DST: variants seen among roughly 807,000 people sequenced by gnomAD.
DST encodes the protein dystonin.
A neutral mutation model predicts 875.2 loss-of-function variants in DST; 253 were observed. The ratio of observed to expected loss-of-function variants is 0.29; its 90% CI spans 0.26 to 0.32. The LOEUF is 0.32. Among genes scored for constraint, DST ranks in the 10% least tolerant of loss-of-function variants. The pLI, the probability that DST is intolerant of heterozygous loss-of-function variation, is 1.00. For missense variants in DST, 8,287 were observed against 9,111.6 expected, an observed-to-expected ratio of 0.91 and a Z score of 3.68; for synonymous variants, 3,124 against 3,197.1, an observed-to-expected ratio of 0.98 and a Z score of 0.77.
intron 9 of DST, among the ~76,000 whole-genome samples, chr6:56,674,097 T>C (rs937929634): frequency 6.6e-6 from 1 of 152,204 alleles, no homozygotes; most frequent in Non-Finnish European, 1.5e-5. Context: ...AGCCTGAATC[T>C]TCCACCAATG....
chr6:56,932,876 C>T (rs1250378758), intron 2 of DST, among the ~76,000 whole-genome samples: 1 of 150,414 alleles, frequency 6.6e-6, no homozygotes, highest in African/African-American at 2.5e-5. Context: ...TTTCCAGGTA[C>T]CTAGGTCTCC....
intron 4 of DST, among the ~76,000 whole-genome samples, chr6:56,826,630 A>G (rs1238671695): frequency 6.6e-6 from 1 of 152,184 alleles, no homozygotes; most frequent in Non-Finnish European, 1.5e-5. Flanking sequence ...TTTAAACTAC[A>G]TGGCAGAGAT....
At chr6:56,511,428 A>G in intron 72 of DST, 28 bp from the exon 73 acceptor site, 2 of 1,563,664 alleles carry the variant, frequency 1.3e-6, no homozygotes, top group South Asian at 1.2e-5. Flanking sequence ...GCTTTTCAGT[A>G]TCTCAGGGTC....
At chr6:56,465,930 G>A in intron 99 of DST, 148 bp downstream of exon 99, 1 of 490,738 alleles carries the variant, frequency 2.0e-6, no homozygotes, top group Non-Finnish European at 3.6e-6. Context: ...ACTGCCACAG[G>A]TTCTTTGGGA....
At chr6:56,846,503 A>C (rs2099807327) in intron 4 of DST, among the ~76,000 whole-genome samples, 1 of 152,234 alleles carries the variant, frequency 6.6e-6, no homozygotes, top group Non-Finnish European at 1.5e-5. Flanking sequence ...TGAAAAACCC[A>C]ACTTACAATA....
chr6:56,598,812 G>A, intron 45 of DST, 103 bp from the exon 46 acceptor site: 1 of 538,078 alleles, frequency 1.9e-6, no homozygotes, highest in East Asian at 3.1e-5. Context: ...AGAGAGTCTA[G>A]TATATGTAGC....
At chr6:56,528,817 G>T in intron 67 of DST, 24 bp downstream of exon 67, 6 of 1,409,822 alleles carry the variant, frequency 4.3e-6, no homozygotes, top group Non-Finnish European at 5.9e-6. Flanking sequence ...ACCACATGAT[G>T]ATTTGATTTG....
At chr6:56,530,861 A>C (rs1354721006) in intron 64 of DST, among the ~76,000 whole-genome samples, 1 of 152,198 alleles carries the variant, frequency 6.6e-6, no homozygotes. Context: ...CTGCATACGG[A>C]GTACCTGATT....
chr6:56,936,913 A>G (rs577184523), intron 2 of DST, among the ~76,000 whole-genome samples: 4 of 152,350 alleles, frequency 2.6e-5, no homozygotes, highest in Non-Finnish European at 5.9e-5. Flanking sequence ...AAGTGGAATT[A>G]ACAACTTAAA....
intron 99 of DST, 47 bp downstream of exon 99, chr6:56,466,030 TA>T: frequency 6.9e-7 from 1 of 1,445,488 alleles, no homozygotes; most frequent in Non-Finnish European, 9.5e-7. Flanking sequence ...GGATATAATA[TA>T]AAATTGAAAT....
chr6:56,567,948 C>T (rs141293440), intron 55 of DST, among the ~76,000 whole-genome samples: 428 of 152,208 alleles, frequency 2.8e-3, no homozygotes, highest in Non-Finnish European at 4.3e-3. Context: ...ACTTAGATTG[C>T]GATACAGATA....
intron 4 of DST, among the ~76,000 whole-genome samples, chr6:56,844,656 C>A (rs144276244): frequency 6.6e-6 from 1 of 151,942 alleles, no homozygotes; most frequent in South Asian, 2.1e-4. Context: ...GGGTGGATCA[C>A]GAGGTCAGGA....
chr6:56,610,597 A>C, intron 38 of DST, 35 bp from the exon 39 acceptor site: 2 of 1,541,144 alleles, frequency 1.3e-6, no homozygotes, highest in East Asian at 4.6e-5. Context: ...GACTAATGCA[A>C]GTCGTCCTCA....
chr6:56,602,819 C>A, intron 43 of DST, 63 bp downstream of exon 43: 1 of 1,241,162 alleles, frequency 8.1e-7, no homozygotes, highest in Non-Finnish European at 1.1e-6. Flanking sequence ...TTTCTAAACA[C>A]TTGTTATATA....
rs760097497 is a variant in DST, at chr6:56,616,789, T to A, written c.4930-2305A>T. Reference sequence around the variant, plus strand: ...TTCTATTTTCCATAGCTTGAAACACTGACAATGTCTTAGAAGAATAAGAAT... The same window carrying A: ...TTCTATTTTCCATAGCTTGAAACACAGACAATGTCTTAGAAGAATAAGAAT... On this transcript the variant is annotated intron_variant, in intron 36 of 103. Coordinates refer to ENST00000680361, the MANE Select transcript of DST (RefSeq NM_001374736.1). The A allele has an allele frequency of 6.2e-6, 10 of 1,614,214 alleles. No homozygotes were observed. Among genetic ancestry groups the A allele is most frequent in the Non-Finnish European group, 7.6e-6 (9 of 1,180,026 alleles).
At chr6:56,662,337 T>C (rs912505159) in intron 10 of DST, among the ~76,000 whole-genome samples, 2 of 152,200 alleles carry the variant, frequency 1.3e-5, no homozygotes, top group South Asian at 2.1e-4. Flanking sequence ...CAAAGACACA[T>C]ACAAAGTTCA....
intron 71 of DST, among the ~76,000 whole-genome samples, chr6:56,516,139 G>GAGA (rs2096583376): frequency 1.3e-5 from 2 of 148,506 alleles, no homozygotes; most frequent in African/African-American, 5.0e-5. Flanking sequence ...GAGGGAGAGA[G>GAGA]AGAGAGAGAA....
chr6:56,679,149 T>A (rs192421739), intron 9 of DST, among the ~76,000 whole-genome samples: 89 of 152,292 alleles, frequency 5.8e-4, no homozygotes, highest in Middle Eastern at 6.8e-3. Flanking sequence ...TATCTTTACA[T>A]CCTTCTCTGT....
chr6:56,889,985 A>G (rs575014169), intron 3 of DST, among the ~76,000 whole-genome samples: 63 of 152,368 alleles, frequency 4.1e-4, no homozygotes, highest in African/African-American at 1.5e-3. Context: ...GATTTCATCC[A>G]TATCTACCAT....
Sources: allele counts gnomAD v4.1 joint callset (sites outside exome capture counted in the v4.1 genomes callset), GRCh38; gene constraint gnomAD v4.1.1; transcripts MANE v1.5; gene names NCBI Gene and HGNC (gene_info 2026-07-23, HGNC 2026-07-21).